The following NLGN3 variants were observed in gnomAD, a reference collection of about 807,000 sequenced individuals.
NLGN3 encodes the protein neuroligin 3, also known as neuroligin-3.
In NLGN3, 11 loss-of-function variants were observed where a neutral mutation model predicts 42.9. The observed-to-expected ratio is 0.26, with a 90% CI of 0.16 to 0.42. The LOEUF (loss-of-function observed/expected upper bound fraction) is 0.42, where lower values mean the gene tolerates loss of function less well. Among genes scored for constraint, NLGN3 ranks in the 10% least tolerant of loss-of-function variants. NLGN3 has a pLI of 1.00. For missense variants in NLGN3, 374 were observed against 733.8 expected (o/e 0.51, Z 5.67); for synonymous variants, 279 against 312.7 (o/e 0.89, Z 1.14).
At chrX:71,151,607 C>A in intron 3 of NLGN3, among the ~76,000 whole-genome samples, 1 of 112,266 alleles carries the variant, frequency 8.9e-6, no homozygotes, top group East Asian at 2.8e-4. Context: ...GGGTGAGAGG[C>A]ATGGCGGCTA....
At chrX:71,173,807 A>G (rs1474671170), downstream of NLGN3, among the ~76,000 whole-genome samples, 1 of 110,127 alleles carries the variant, frequency 9.1e-6, no homozygotes, top group African/African-American at 3.3e-5. Context: ...CCACAATCCA[A>G]TGAATGAAAT....
chrX:71,164,871 G>A (rs903290040), intron 6 of NLGN3, among the ~76,000 whole-genome samples: 3 of 110,821 alleles, frequency 2.7e-5, no homozygotes, highest in South Asian at 3.9e-4. Flanking sequence ...ACCTCTCCCC[G>A]ACTGTGCAAG....
At chrX:71,159,246 G>A (rs953448879) in intron 5 of NLGN3, among the ~76,000 whole-genome samples, 3 of 110,479 alleles carry the variant, frequency 2.7e-5, no homozygotes, top group Non-Finnish European at 1.9e-5. Flanking sequence ...GCTTGAACCT[G>A]GGAGGCGGAA....
intron 2 of NLGN3, 150 bp downstream of exon 2, chrX:71,148,356 C>G (rs185656508): frequency 8.1e-6 from 4 of 494,284 alleles, no homozygotes; most frequent in South Asian, 2.7e-5. Flanking sequence ...TCCCACCCCC[C>G]TCCCTGTTCT....
In NLGN3 at chrX:71,155,223, A is replaced by G. The variant is rs1350330741; in HGVS notation, c.587A>G (p.Asp196Gly). 8.3e-7 allele frequency: 1 copy of G among 1,210,504 alleles called. No individual in the cohort carries two copies. Among genetic ancestry groups the G allele is most frequent in the African/African-American group, 1.7e-5 (1 of 57,323 alleles). ...CCCCTTCTCCTTGCAGACATCCGGG[A>G]CAGTGGTGCTAAACCCGTCATGGTC... ...NDGDEDEDIRDSGAKPVMVYI... is the reference protein window; with the variant it reads ...NDGDEDEDIRGSGAKPVMVYI... The change falls in exon 5 of 8, where the codon GAC becomes GGC. Residue 196 changes from aspartate (D) to glycine (G), a missense_variant. Asp to Gly is a moderately conservative substitution (Grantham distance 94). Coordinates refer to ENST00000358741, the MANE Select transcript of NLGN3 (RefSeq NM_181303.2).
At chrX:71,151,372 G>A (rs766663844) in intron 3 of NLGN3, among the ~76,000 whole-genome samples, 1 of 112,187 alleles carries the variant, frequency 8.9e-6, no homozygotes, top group Non-Finnish European at 1.9e-5. Flanking sequence ...CAGGAAGTGG[G>A]TTCCAGACAG....
At chrX:71,171,258 G>C, downstream of NLGN3, 7 of 740,460 alleles carry the variant, frequency 9.5e-6, no homozygotes, top group Non-Finnish European at 1.1e-5. Flanking sequence ...GTGCCTCTGC[G>C]GGCTGGGAAT....
At chrX:71,149,857 G>A (rs1457879162) in intron 3 of NLGN3, among the ~76,000 whole-genome samples, 1 of 111,412 alleles carries the variant, frequency 9.0e-6, no homozygotes, top group African/African-American at 3.3e-5. Context: ...GATGTGGCTG[G>A]GCTGGGGAGA....
rs375379766 is a variant in NLGN3, at chrX:71,170,116, C to A, written c.*19C>A. The A allele has an allele frequency of 1.1e-5, 13 of 1,207,558 alleles. No individual in the cohort carries two copies. The highest frequency in any genetic ancestry group is 1.5e-5 in the Non-Finnish European group (13 of 894,703). On this transcript the variant is annotated 3_prime_UTR_variant, in exon 8 of 8. Coordinates refer to ENST00000358741, the MANE Select transcript of NLGN3 (RefSeq NM_181303.2). ...GGTATAGCTCCAACTCAGAGCACAG[C>A]CAATCTCCAGGCTCCCTCCCTCCCA... is the stretch of plus-strand genomic sequence containing the variant.
chrX:71,169,171 G>A (rs749541336), intron 7 of NLGN3, 83 bp from the exon 8 acceptor site: 12 of 1,092,365 alleles, frequency 1.1e-5, no homozygotes, highest in Non-Finnish European at 1.4e-5. Flanking sequence ...CTGGGAAAGA[G>A]GTTTGGCTGT....
chrX:71,150,179 G>A (rs1480808959), intron 3 of NLGN3, among the ~76,000 whole-genome samples: 1 of 111,310 alleles, frequency 9.0e-6, no homozygotes, highest in Non-Finnish European at 1.9e-5. Context: ...ACACACCATA[G>A]GCAATTGATG....
intron 5 of NLGN3, among the ~76,000 whole-genome samples, chrX:71,162,429 CAA>C (rs1247975747): frequency 9.0e-6 from 1 of 111,689 alleles, no homozygotes; most frequent in Non-Finnish European, 1.9e-5. Flanking sequence ...CATGCCTGGC[CAA>C]GTTTTTAAGA....
chrX:71,153,899 C>T lies in NLGN3; in HGVS notation c.577+363C>T, dbSNP rs757308558. On this transcript the variant is annotated intron_variant, in intron 4 of 7. Coordinates refer to ENST00000358741, the MANE Select transcript of NLGN3 (RefSeq NM_181303.2). ...CGGGGAGAGGACAAAGACAACGGAA[C>T]GGCAAGGAGATTACCTGTGTTTCAG... 1.0e-3 allele frequency among the ~76,000 whole-genome samples: 114 copies of T among 111,851 alleles called. 2 individuals carry two copies. Among genetic ancestry groups the T allele is most frequent in the Admixed American group, 2.1e-3 (22 of 10,591 alleles).
intron 5 of NLGN3, among the ~76,000 whole-genome samples, chrX:71,158,814 AG>A (rs1352612935): frequency 8.9e-6 from 1 of 111,904 alleles, no homozygotes; most frequent in Non-Finnish European, 1.9e-5. Flanking sequence ...TGGGCCGCAC[AG>A]AAGGCTGTCG....
At chrX:71,145,234 A>G (rs2092361801) in intron 1 of NLGN3, among the ~76,000 whole-genome samples, 1 of 105,575 alleles carries the variant, frequency 9.5e-6, no homozygotes, top group Non-Finnish European at 1.9e-5. Flanking sequence ...AAATACCCCT[A>G]TTGAGGGCCC....
chrX:71,150,554 T>C (rs1240470329), intron 3 of NLGN3, among the ~76,000 whole-genome samples: 1 of 108,598 alleles, frequency 9.2e-6, no homozygotes, highest in Non-Finnish European at 1.9e-5. Flanking sequence ...TACAAAAAAT[T>C]AGCTGGGCGT....
At position 71,157,287 on chromosome X, in the gene NLGN3, C is replaced by CTTATTTATTTAT. The variant is rs397688201; in HGVS notation, c.727+1950_727+1961dup. The stretch of plus-strand genomic sequence containing the variant: ...ACCTCAAGGGCCTTATTTTAATTTG[C>CTTATTTATTTAT]TTATTTATTTATTTATTTATTTATT... On this transcript the variant is annotated intron_variant, in intron 5 of 7. Coordinates refer to ENST00000358741, the MANE Select transcript of NLGN3 (RefSeq NM_181303.2). Among the ~76,000 whole-genome samples the CTTATTTATTTAT allele has an allele frequency of 2.5e-3, 252 of 99,892 alleles. 1 individual carries two copies. The highest frequency in any genetic ancestry group is 5.5e-3 in the African/African-American group (144 of 26,352). The allele number at this position is 99,892 out of a possible 115,157, so 86.7% of individuals were successfully genotyped here.
At chrX:71,159,531 CAGA>C (rs1473007425) in intron 5 of NLGN3, among the ~76,000 whole-genome samples, 1 of 110,704 alleles carries the variant, frequency 9.0e-6, no homozygotes, top group African/African-American at 3.3e-5. Flanking sequence ...ACCGAAAACT[CAGA>C]AGGAGTCCTA....
chrX:71,170,366 G>A lies in NLGN3; in HGVS notation c.*269G>A. On this transcript the variant is annotated 3_prime_UTR_variant, in exon 8 of 8. Coordinates refer to ENST00000358741, the MANE Select transcript of NLGN3 (RefSeq NM_181303.2). ...AGTCCTCGGTAAACCGAGGACCCAT[G>A]AAACAGCAGCTGAAGCCAGCTCCCT... 9.9e-7 allele frequency: 1 copy of A among 1,009,064 alleles called. No homozygotes were observed. The highest frequency in any genetic ancestry group is 1.3e-6 in the Non-Finnish European group (1 of 791,744). 83.2% of individuals were successfully genotyped at this position (1,009,064 alleles called of 1,213,427 possible).
Sources: allele counts gnomAD v4.1 joint callset (sites outside exome capture counted in the v4.1 genomes callset), GRCh38; gene constraint gnomAD v4.1.1; transcripts MANE v1.5; gene names NCBI Gene and HGNC (gene_info 2026-07-23, HGNC 2026-07-21).